Variants in SLC37A2 observed in about 807,000 individuals in gnomAD.
The protein encoded by SLC37A2 is solute carrier family 37 member 2.
In SLC37A2, 59 loss-of-function variants were observed where a neutral mutation model predicts 70.7. That is an observed-to-expected ratio of 0.83 (90% CI 0.68 to 1.04). SLC37A2 has a LOEUF of 1.04. SLC37A2 is among the 50% of genes least tolerant of loss of function. The pLI is 0.00. For missense variants in SLC37A2, 580 were observed against 658.1 expected, an observed-to-expected ratio of 0.88 and a Z score of 1.30; for synonymous variants, 257 against 262.1, an observed-to-expected ratio of 0.98 and a Z score of 0.19.
Position 125,063,480 on chromosome 11 carries a change from C to T in SLC37A2, c.59+54C>T, listed in dbSNP as rs1190373946. 1.3e-6 allele frequency: 2 copies of T among 1,536,774 alleles called. No homozygotes were observed. Among genetic ancestry groups the T allele is most frequent in the Non-Finnish European group, 1.8e-6 (2 of 1,128,476 alleles). On this transcript the variant is annotated intron_variant, in intron 1 of 17. Transcript: ENST00000403796. The surrounding 1 kb of genome is among the most constrained non-coding windows in gnomAD (Gnocchi z 5.4). The stretch of plus-strand genomic sequence containing the variant: ...CGGGACCTCCTGGGCTCGGGGCTTG[C>T]AGGGGCCGCGGGGGGCCTCGGAGAT...
chr11:125,081,641 G>A (rs978508233), intron 8 of SLC37A2, 113 bp from the exon 9 acceptor site: 5 of 1,441,644 alleles, frequency 3.5e-6, no homozygotes, highest in African/African-American at 2.9e-5. Context: ...AGCCCGAGAC[G>A]AACGTGTGCC....
intron 11 of SLC37A2, 115 bp from the exon 12 acceptor site, chr11:125,084,119 T>C: frequency 8.5e-7 from 1 of 1,181,806 alleles, no homozygotes; most frequent in South Asian, 1.3e-5. Context: ...AAAAAGCAGC[T>C]CTGCTGGTTC....
At chr11:125,078,443 G>T (rs1194529877) in intron 4 of SLC37A2, among the ~76,000 whole-genome samples, 1 of 152,208 alleles carries the variant, frequency 6.6e-6, no homozygotes, top group African/African-American at 2.4e-5. Context: ...AAGCTGTTGA[G>T]CTTATGTTAC....
intron 13 of SLC37A2, 56 bp downstream of exon 13, chr11:125,084,929 C>A: frequency 6.2e-7 from 1 of 1,607,016 alleles, no homozygotes; most frequent in Non-Finnish European, 8.5e-7. Context: ...GCCTTGGGGG[C>A]CCCATGAGGC....
In SLC37A2 at chr11:125,082,303, C is replaced by T; in HGVS notation, c.945C>T (p.Leu315=). 6.2e-7 allele frequency: 1 copy of T among 1,614,002 alleles called. No homozygotes were observed. ...CCAAGCTGGTCAGTTACACCTTCCT[C>T]TACTGGCTGCCCCTCTACATCGCCA... ...LFAKLVSYTF[L]YWLPLYIANV... Residue 315 remains leucine, a synonymous_variant, in exon 10 of 18, where the codon CTC becomes CTT. Transcript: ENST00000403796.
chr11:125,084,389 TGCACGTCCACGCGTTACACA>T (rs1949181538), intron 12 of SLC37A2, 70 bp downstream of exon 12: 1 of 1,459,332 alleles, frequency 6.9e-7, no homozygotes, highest in African/African-American at 1.4e-5. Context: ...CTGGCCTATG[TGCACGTCCACGCGTTACACA>T]CATTGATGTC....
intron 14 of SLC37A2, 35 bp downstream of exon 14, chr11:125,085,174 T>C (rs1949193829): frequency 3.8e-6 from 6 of 1,596,918 alleles, no homozygotes; most frequent in Middle Eastern, 1.7e-4. Flanking sequence ...CCAGGGACCG[T>C]TCTGGGGGCT....
intron 15 of SLC37A2, 47 bp from the exon 16 acceptor site, chr11:125,085,530 G>C: frequency 6.2e-7 from 1 of 1,613,270 alleles, no homozygotes; most frequent in Non-Finnish European, 8.5e-7. Context: ...CCTCCGGTGG[G>C]CAGGGGAGGT....
At chr11:125,069,977 G>C (rs937449041) in intron 1 of SLC37A2, among the ~76,000 whole-genome samples, 1 of 152,240 alleles carries the variant, frequency 6.6e-6, no homozygotes, top group Admixed American at 6.5e-5. Flanking sequence ...GGTGCGTCTG[G>C]GGGCAGCTGG....
intron 16 of SLC37A2, 81 bp downstream of exon 16, chr11:125,085,755 G>T: frequency 6.8e-7 from 1 of 1,478,470 alleles, no homozygotes; most frequent in Non-Finnish European, 9.4e-7. Context: ...CCAAAGCGTT[G>T]GCCATTTGGG....
At chr11:125,086,197 T>C in intron 17 of SLC37A2, 179 bp downstream of exon 17, 1 of 1,611,766 alleles carries the variant, frequency 6.2e-7, no homozygotes, top group Non-Finnish European at 8.5e-7. Context: ...CCCGTGTATC[T>C]CTATAGCTCT....
At chr11:125,085,205 A>T in intron 14 of SLC37A2, 66 bp downstream of exon 14, 1 of 1,495,970 alleles carries the variant, frequency 6.7e-7, no homozygotes, top group Non-Finnish European at 9.3e-7. Flanking sequence ...CACCATCTCC[A>T]GGTCCATTTC....
At chr11:125,082,687 G>A (rs1949163298) in intron 10 of SLC37A2, among the ~76,000 whole-genome samples, 1 of 152,080 alleles carries the variant, frequency 6.6e-6, no homozygotes, top group Non-Finnish European at 1.5e-5. Flanking sequence ...CATTGGAGGT[G>A]CTAGGGAAGG....
At position 125,084,902 on chromosome 11, in the gene SLC37A2, G is replaced by A. The variant is rs770827754; in HGVS notation, c.1174+29G>A. 2.7e-5 allele frequency: 43 copies of A among 1,612,696 alleles called. No homozygotes were observed. In the East Asian group the frequency reaches 9.4e-4, roughly 35 times the overall value. ...AGGAGGAGGTTGCAAGTCCTGCCAG[G>A]CCAGGGGAAAGGCACTGCCTTGGGG... On this transcript the variant is annotated intron_variant, in intron 13 of 17. Transcript: ENST00000403796.
chr11:125,089,709 C>G lies in SLC37A2; in HGVS notation c.*1575C>G, dbSNP rs896348256. ...CCCACCTGCGCTGTGCTTGATTTCT[C>G]GCTGGGCCTTAGCTGCCTTCCCGCG... is the stretch of plus-strand genomic sequence containing the variant. On this transcript the variant is annotated 3_prime_UTR_variant, in exon 18 of 18. Coordinates refer to ENST00000403796, the MANE Select transcript of SLC37A2 (RefSeq NM_001145290.2). The G allele has an allele frequency of 6.5e-6, 1 of 153,284 alleles. No homozygotes were observed. Among genetic ancestry groups the G allele is most frequent in the Non-Finnish European group, 1.5e-5 (1 of 68,866 alleles). 9.5% of individuals were successfully genotyped at this position (153,284 alleles called of 1,614,324 possible). A position where few individuals can be genotyped will look rare whatever the true frequency, so the allele number is the denominator to read the frequency against.
chr11:125,086,441 CCA>C, intron 17 of SLC37A2: 1 of 620,146 alleles, frequency 1.6e-6, no homozygotes, highest in South Asian at 1.8e-5. Context: ...GTCTGAGATG[CCA>C]CAGAGGTTGG....
At position 125,079,746 on chromosome 11, in the gene SLC37A2, G is replaced by T; in HGVS notation, c.513G>T (p.Trp171Cys). 1 of 1,610,048 alleles carries T rather than the reference G, an allele frequency of 6.2e-7. No individual in the cohort carries two copies. The highest frequency in any genetic ancestry group is 8.5e-7 in the Non-Finnish European group (1 of 1,178,074). ...CTGTGGTGACCTGTGTTGGCAACTG[G>T]TTCGGGAAGGGGAAGTGAGTGTAAC... is the stretch of plus-strand genomic sequence containing the variant. Reference protein sequence around the residue: ...WPSVVTCVGNWFGKGKRGFIM... With the variant: ...WPSVVTCVGNCFGKGKRGFIM... Residue 171 changes from tryptophan to cysteine, a missense_variant, in exon 6 of 18, where the codon TGG becomes TGT. Coordinates refer to ENST00000403796, the MANE Select transcript of SLC37A2 (RefSeq NM_001145290.2).
chr11:125,072,373 G>C (rs73024305), intron 1 of SLC37A2, among the ~76,000 whole-genome samples: 6,162 of 152,246 alleles, frequency 0.04, 155 homozygotes, highest in Middle Eastern at 0.088. Flanking sequence ...TATCCGGTGG[G>C]GGGGAGGTGG....
chr11:125,070,180 G>A (rs1224109916), intron 1 of SLC37A2, among the ~76,000 whole-genome samples: 1 of 152,206 alleles, frequency 6.6e-6, no homozygotes, highest in Non-Finnish European at 1.5e-5. Context: ...GTGAGCTCCT[G>A]TGGTGCCATT....
Sources: allele counts gnomAD v4.1 joint callset (sites outside exome capture counted in the v4.1 genomes callset), GRCh38; gene constraint gnomAD v4.1.1; non-coding constraint Gnocchi (gnomAD v3.1); transcripts MANE v1.5; gene names NCBI Gene and HGNC (gene_info 2026-07-23, HGNC 2026-07-21).